SMYD2: variants seen among roughly 807,000 people sequenced by gnomAD.
The protein encoded by SMYD2 is N-lysine methyltransferase SMYD2.
SMYD2 carries 53 observed loss-of-function variants against 59.1 expected under a neutral mutation model. The ratio of observed to expected loss-of-function variants is 0.90; its 90% CI spans 0.72 to 1.13. The LOEUF (loss-of-function observed/expected upper bound fraction) is 1.13, where lower values mean the gene tolerates loss of function less well. Ranked by LOEUF, SMYD2 falls within the 50% of genes most tolerant of loss-of-function variation. The pLI is 0.00. For missense variants in SMYD2, 494 were observed against 544.7 expected (o/e 0.91, Z 0.93); for synonymous variants, 208 against 198.8 (o/e 1.05, Z -0.39).
chr1:214,311,435 A>C (rs1431051114), intron 2 of SMYD2, among the ~76,000 whole-genome samples: 1 of 152,204 alleles, frequency 6.6e-6, no homozygotes, highest in African/African-American at 2.4e-5. Context: ...GGACTTGCTA[A>C]GTAACTTAGG....
At chr1:214,329,728 G>C (rs1435936435) in intron 7 of SMYD2, among the ~76,000 whole-genome samples, 2 of 152,226 alleles carry the variant, frequency 1.3e-5, no homozygotes, top group African/African-American at 4.8e-5. Context: ...AGCTGCATGT[G>C]TGTGGTGTGT....
chr1:214,287,986 A>G (rs1202841874), intron 1 of SMYD2, among the ~76,000 whole-genome samples: 3 of 152,204 alleles, frequency 2.0e-5, no homozygotes, highest in Non-Finnish European at 4.4e-5. Flanking sequence ...TGCGGGGAAC[A>G]TAATTTCTGT....
Position 214,281,429 on chromosome 1 carries a change from T to A in SMYD2, c.173+2T>A. ...CCACTGCGAGTACTGCTTCACCAGG[T>A]AGGGCGGCGGCGGCGGCGGCGGCGG... is the stretch of plus-strand genomic sequence containing the variant. On this transcript the variant is annotated splice_donor_variant, in intron 1 of 11. Coordinates refer to ENST00000366957, the MANE Select transcript of SMYD2 (RefSeq NM_020197.3). LOFTEE classifies it high-confidence loss of function. The A allele has an allele frequency of 7.0e-7, 1 of 1,421,244 alleles. No homozygotes were observed. Among genetic ancestry groups the A allele is most frequent in the South Asian group, 1.7e-5 (1 of 58,996 alleles). The allele number at this position is 1,421,244 out of a possible 1,614,324, so 88.0% of individuals were successfully genotyped here.
chr1:214,297,574 A>G (rs1645481851), intron 1 of SMYD2, among the ~76,000 whole-genome samples: 2 of 152,252 alleles, frequency 1.3e-5, no homozygotes, highest in South Asian at 4.1e-4. Flanking sequence ...AAGCACATAT[A>G]CTGCACATAC....
At chr1:214,322,098 C>T (rs1423463860) in intron 5 of SMYD2, among the ~76,000 whole-genome samples, 3 of 152,276 alleles carry the variant, frequency 2.0e-5, no homozygotes, top group Middle Eastern at 6.8e-3. Context: ...ACAAGAATCT[C>T]ATCCCCAAAG....
In SMYD2 at chr1:214,318,222, T is replaced by A; in HGVS notation, c.409+83T>A. On this transcript the variant is annotated intron_variant, in intron 4 of 11. Coordinates refer to ENST00000366957, the MANE Select transcript of SMYD2 (RefSeq NM_020197.3). This position sits in a 1 kb window ranked among gnomAD's most constrained non-coding sequence, Gnocchi z 5.4. Reference sequence around the variant, plus strand: ...GGGCAGGATTGAAGCGAGGACGGGCTAGTTTGTGCTCAGAGGAGTAGTGAT... The same window carrying A: ...GGGCAGGATTGAAGCGAGGACGGGCAAGTTTGTGCTCAGAGGAGTAGTGAT... The A allele has an allele frequency of 3.1e-6, 4 of 1,301,940 alleles. No homozygotes were observed. The highest frequency in any genetic ancestry group is 4.4e-6 in the Non-Finnish European group (4 of 916,538). The allele number at this position is 1,301,940 out of a possible 1,614,324, so 80.6% of individuals were successfully genotyped here. A position where few individuals can be genotyped will look rare whatever the true frequency, so the allele number is the denominator to read the frequency against.
chr1:214,305,140 C>T, intron 1 of SMYD2, 47 bp from the exon 2 acceptor site: 1 of 1,567,100 alleles, frequency 6.4e-7, no homozygotes, highest in Non-Finnish European at 8.8e-7. Context: ...TGTACAGCTT[C>T]ACGTTTCTGT....
rs1479754171 is a variant in SMYD2 at position 214,281,266 on chromosome 1, G to T, written c.12G>T (p.Glu4Asp). Residue 4 changes from glutamate (E) to aspartate (D), a missense_variant, in exon 1 of 12, where the codon GAG becomes GAT. Coordinates refer to ENST00000366957, the MANE Select transcript of SMYD2 (RefSeq NM_020197.3). ...GCCCCGCCGCCACCATGAGGGCCGA[G>T]GGCCTCGGCGGCCTGGAGCGCTTCT... MRA[E>D]GLGGLERFCS... 4.7e-6 allele frequency: 6 copies of T among 1,270,762 alleles called. No individual in the cohort carries two copies. Among genetic ancestry groups the T allele is most frequent in the Non-Finnish European group, 6.0e-6 (6 of 1,001,312 alleles). 78.7% of individuals were successfully genotyped at this position (1,270,762 alleles called of 1,614,324 possible).
At chr1:214,332,290 C>A in intron 10 of SMYD2, 98 bp downstream of exon 10, 3 of 1,402,106 alleles carry the variant, frequency 2.1e-6, no homozygotes, top group Non-Finnish European at 9.7e-7. Flanking sequence ...TGAGACTTGC[C>A]TAGCGCAGCT....
intron 5 of SMYD2, among the ~76,000 whole-genome samples, chr1:214,319,315 G>A (rs1657134486): frequency 6.6e-6 from 1 of 152,134 alleles, no homozygotes; most frequent in Non-Finnish European, 1.5e-5. Flanking sequence ...ACCATTTGAA[G>A]TTCCTACATT....
chr1:214,292,117 A>AGAGG (rs1656645370), intron 1 of SMYD2, among the ~76,000 whole-genome samples: 1 of 151,420 alleles, frequency 6.6e-6, no homozygotes, highest in East Asian at 1.9e-4. Context: ...AGAGAGAGAG[A>AGAGG]GAGAAGCCCA....
chr1:214,296,919 A>G (rs1656738682), intron 1 of SMYD2, among the ~76,000 whole-genome samples: 1 of 152,234 alleles, frequency 6.6e-6, no homozygotes, highest in Non-Finnish European at 1.5e-5. Context: ...ATCTTAGGTT[A>G]GAAAAAGACA....
rs867761210 is a variant in SMYD2 at position 214,336,959 on chromosome 1, C to T, written c.*175C>T. 6 of 524,792 alleles carry T rather than the reference C, an allele frequency of 1.1e-5. No homozygotes were observed. Among genetic ancestry groups the T allele is most frequent in the Middle Eastern group, 5.0e-4 (1 of 2,010 alleles). The allele number at this position is 524,792 out of a possible 1,614,324, so 32.5% of individuals were successfully genotyped here. A position where few individuals can be genotyped will look rare whatever the true frequency, so the allele number is the denominator to read the frequency against. On this transcript the variant is annotated 3_prime_UTR_variant, in exon 12 of 12. Transcript: ENST00000366957. ...CTTTGAGGTTAGTCTGAATCTTGAA[C>T]TTTAATACCAAATTAATTTTGAATG...
intron 5 of SMYD2, among the ~76,000 whole-genome samples, chr1:214,322,861 G>A (rs929717388): frequency 3.3e-5 from 5 of 152,172 alleles, no homozygotes; most frequent in Non-Finnish European, 5.9e-5. Flanking sequence ...GGATTTATGG[G>A]ATGGTAAATC....
rs4179 is a variant in SMYD2, at chr1:214,337,032, GGACA to G, written c.*255_*258del. ...GGCATGGTTTCATATGTTATACTTTGGACAGACAGAGTTTTAAAAATGGAATTAT... is the reference window on the plus strand; with the variant it reads ...GGCATGGTTTCATATGTTATACTTTGGACAGAGTTTTAAAAATGGAATTAT... On this transcript the variant is annotated 3_prime_UTR_variant, in exon 12 of 12. Coordinates refer to ENST00000366957, the MANE Select transcript of SMYD2 (RefSeq NM_020197.3). 85,071 of 351,488 alleles carry G rather than the reference GGACA, an allele frequency of 0.24. 11,430 individuals are homozygous for G. The highest frequency in any genetic ancestry group is 0.44 in the East Asian group (7,299 of 16,406). 21.8% of individuals were successfully genotyped at this position (351,488 alleles called of 1,614,324 possible).
At chr1:214,311,744 A>AT (rs1657001887) in intron 2 of SMYD2, among the ~76,000 whole-genome samples, 1 of 152,174 alleles carries the variant, frequency 6.6e-6, no homozygotes, top group Non-Finnish European at 1.5e-5. Context: ...ATATTAATAA[A>AT]TGTTCATATT....
rs561726268 is a variant in SMYD2 at position 214,302,625 on chromosome 1, C to G, written c.174-2562C>G. Among the ~76,000 whole-genome samples, 3 of 152,268 alleles carry G rather than the reference C, an allele frequency of 2.0e-5. No homozygotes were observed. In the East Asian group the frequency reaches 5.8e-4, roughly 29 times the overall value. On this transcript the variant is annotated intron_variant, in intron 1 of 11. Coordinates refer to ENST00000366957, the MANE Select transcript of SMYD2 (RefSeq NM_020197.3). ...CTGAAAAGTTAGCCTTTACTTCCTGCTCTTTATTATTTGTGGTTGTGGACT... is the reference window on the plus strand; with the variant it reads ...CTGAAAAGTTAGCCTTTACTTCCTGGTCTTTATTATTTGTGGTTGTGGACT...
At chr1:214,293,029 G>C (rs1434784811) in intron 1 of SMYD2, among the ~76,000 whole-genome samples, 4 of 56,532 alleles carry the variant, frequency 7.1e-5, no homozygotes, top group African/African-American at 4.4e-4. Flanking sequence ...GTGTGTGTGT[G>C]TGTGTGTGTG....
intron 7 of SMYD2, among the ~76,000 whole-genome samples, chr1:214,329,241 C>G (rs542217694): frequency 3.9e-5 from 6 of 152,194 alleles, no homozygotes; most frequent in Non-Finnish European, 8.8e-5. Context: ...TGAGCTGCAA[C>G]GTGTCCAGTA....
Sources: gnomAD v4.1 joint callset for allele counts (sites outside exome capture counted in the v4.1 genomes callset) on GRCh38, gnomAD v4.1.1 for gene constraint, Gnocchi (gnomAD v3.1) non-coding constraint, MANE v1.5 for transcripts, NCBI Gene and HGNC (gene_info 2026-07-23, HGNC 2026-07-21) for gene names.